Variants in COL24A1 observed in about 807,000 individuals in gnomAD.
The protein encoded by COL24A1 is collagen type XXIV alpha 1 chain, also known as collagen alpha-1(XXIV) chain.
Under a neutral mutation model 253.9 loss-of-function variants are expected in COL24A1, and 224 were observed. That is an observed-to-expected ratio of 0.88 (90% CI 0.79 to 0.99). COL24A1 has a LOEUF of 0.99. Ranked by LOEUF, COL24A1 falls within the 50% of genes least tolerant of loss-of-function variation. The pLI, the probability that COL24A1 is intolerant of heterozygous loss-of-function variation, is 0.00. For missense variants in COL24A1, 2,131 were observed against 2,068.5 expected (o/e 1.03, Z -0.59); for synonymous variants, 685 against 673.7 (o/e 1.02, Z -0.26).
chr1:85,756,376 AC>A (rs996095754), intron 55 of COL24A1, among the ~76,000 whole-genome samples: 65 of 152,122 alleles, frequency 4.3e-4, no homozygotes, highest in African/African-American at 1.6e-3. Flanking sequence ...CTGAGATCGC[AC>A]CACTGCACTC....
intron 55 of COL24A1, among the ~76,000 whole-genome samples, chr1:85,760,474 T>A (rs1257255607): frequency 6.6e-6 from 1 of 152,152 alleles, no homozygotes; most frequent in Non-Finnish European, 1.5e-5. Flanking sequence ...ATAGTCTTCC[T>A]TGTGGCACTT....
intron 14 of COL24A1, among the ~76,000 whole-genome samples, chr1:86,028,912 G>T (rs186315498): frequency 5.2e-4 from 79 of 152,252 alleles, no homozygotes; most frequent in Middle Eastern, 6.8e-3. Flanking sequence ...TATACAAATA[G>T]TATGTCATGG....
chr1:86,066,842 A>G (rs1330618316), intron 7 of COL24A1, among the ~76,000 whole-genome samples: 1 of 152,078 alleles, frequency 6.6e-6, no homozygotes, highest in Non-Finnish European at 1.5e-5. Context: ...AGCAGATATG[A>G]GTTACTTCAG....
intron 59 of COL24A1, among the ~76,000 whole-genome samples, chr1:85,733,212 A>G (rs1663689475): frequency 1.3e-5 from 2 of 152,230 alleles, no homozygotes; most frequent in Non-Finnish European, 2.9e-5. Context: ...GAGATACTAA[A>G]TCATGGGTTT....
In COL24A1 at chr1:85,730,520, C is replaced by A; in HGVS notation, c.*26G>T. 6.2e-7 allele frequency: 1 copy of A among 1,609,868 alleles called. No homozygotes were observed. Among genetic ancestry groups the A allele is most frequent in the South Asian group, 1.1e-5 (1 of 90,590 alleles). On this transcript the variant is annotated 3_prime_UTR_variant, in exon 60 of 60. Coordinates refer to ENST00000370571, the MANE Select transcript of COL24A1 (RefSeq NM_152890.7). ...CTGCAGCAATTACCTGGCCAACAGCCTGAATTCGGAACTAATTCAGAGACT... is the reference window on the plus strand; with the variant it reads ...CTGCAGCAATTACCTGGCCAACAGCATGAATTCGGAACTAATTCAGAGACT...
rs183582066 is a variant in COL24A1 at position 85,795,541 on chromosome 1, T to C, written c.3952-9080A>G. 9.2e-4 allele frequency among the ~76,000 whole-genome samples: 140 copies of C among 152,294 alleles called. No homozygotes were observed. In the South Asian group the frequency reaches 0.024, roughly 26 times the overall value. On this transcript the variant is annotated intron_variant, in intron 47 of 59. Transcript: ENST00000370571. ...TGAGTGAAATTACAAATATTTCGAA[T>C]ATCAATTTTATTGATTTCTCATAGT...
intron 47 of COL24A1, among the ~76,000 whole-genome samples, chr1:85,799,180 T>A (rs1671135381): frequency 1.1e-5 from 1 of 93,326 alleles, no homozygotes; most frequent in Non-Finnish European, 2.3e-5. Context: ...AGAGTGAATA[T>A]GCCAAGAATT....
intron 20 of COL24A1, among the ~76,000 whole-genome samples, chr1:85,972,624 C>T (rs1023121978): frequency 6.6e-6 from 1 of 152,188 alleles, no homozygotes; most frequent in African/African-American, 2.4e-5. Context: ...TAAGGAAAAA[C>T]TCTCTTCACT....
At position 85,909,932 on chromosome 1, in the gene COL24A1, A is replaced by C. The variant is rs1389061373; in HGVS notation, c.2670+18T>G. 1.9e-6 allele frequency: 3 copies of C among 1,601,602 alleles called. No homozygotes were observed. The Admixed American group carries it at 5.0e-5, about 27-fold the overall frequency. On this transcript the variant is annotated intron_variant, in intron 26 of 59. Coordinates refer to ENST00000370571, the MANE Select transcript of COL24A1 (RefSeq NM_152890.7). ...TGCATTCTTTGGAAACATATTTTTC[A>C]AATCACTGAGCTCTTACCATAACAC...
chr1:85,773,823 C>G (rs1350431190), intron 53 of COL24A1, among the ~76,000 whole-genome samples: 1 of 152,118 alleles, frequency 6.6e-6, no homozygotes, highest in African/African-American at 2.4e-5. Flanking sequence ...CTAATGGAGA[C>G]AATTTGACTT....
intron 19 of COL24A1, among the ~76,000 whole-genome samples, chr1:86,012,942 T>C (rs2101167665): frequency 6.9e-6 from 1 of 144,170 alleles, no homozygotes; most frequent in South Asian, 2.2e-4. Flanking sequence ...CAATGTGTCC[T>C]GTCTTCAATT....
intron 5 of COL24A1, among the ~76,000 whole-genome samples, chr1:86,100,990 C>T (rs1394698047): frequency 6.6e-6 from 1 of 151,936 alleles, no homozygotes; most frequent in Admixed American, 6.6e-5. Context: ...AATATTGAAT[C>T]TGAGAGGATG....
chr1:85,888,118 A>C (rs1682724533), intron 32 of COL24A1, among the ~76,000 whole-genome samples: 1 of 151,964 alleles, frequency 6.6e-6, no homozygotes, highest in Admixed American at 6.6e-5. Flanking sequence ...TCACATACAG[A>C]GTCTTTATTA....
intron 14 of COL24A1, among the ~76,000 whole-genome samples, chr1:86,027,707 C>A (rs1485882918): frequency 6.6e-6 from 1 of 152,154 alleles, no homozygotes; most frequent in African/African-American, 2.4e-5. Flanking sequence ...GGGTCAGAGG[C>A]CCCACACAGA....
intron 5 of COL24A1, among the ~76,000 whole-genome samples, chr1:86,097,368 TCTC>T (rs2102010385): frequency 7.4e-6 from 1 of 135,136 alleles, no homozygotes. Flanking sequence ...TTGTTCTTCT[TCTC>T]CTTCTTTCTT....
intron 12 of COL24A1, among the ~76,000 whole-genome samples, chr1:86,045,265 C>G (rs1699809744): frequency 6.6e-6 from 1 of 152,172 alleles, no homozygotes; most frequent in East Asian, 1.9e-4. Context: ...GCTGGGATTA[C>G]AGGTGTGAGC....
chr1:85,842,248 A>T, intron 40 of COL24A1, 92 bp downstream of exon 40: 1 of 1,333,670 alleles, frequency 7.5e-7, no homozygotes, highest in Non-Finnish European at 1.1e-6. Context: ...AAGGTTTATC[A>T]GAGAGATTTC....
intron 24 of COL24A1, among the ~76,000 whole-genome samples, chr1:85,924,740 C>T (rs961698298): frequency 1.3e-5 from 2 of 152,172 alleles, no homozygotes; most frequent in Admixed American, 1.3e-4. Flanking sequence ...AAACTGGAAG[C>T]ATTCCCTTTG....
intron 2 of COL24A1, among the ~76,000 whole-genome samples, chr1:86,132,163 A>C (rs12126086): frequency 0.16 from 24,209 of 152,020 alleles, 2,017 homozygotes; most frequent in South Asian, 0.24. Flanking sequence ...TAAATGTCTT[A>C]TTTTGAGAAG....
Sources: allele counts gnomAD v4.1 joint callset (sites outside exome capture counted in the v4.1 genomes callset), GRCh38; gene constraint gnomAD v4.1.1; transcripts MANE v1.5; gene names NCBI Gene and HGNC (gene_info 2026-07-23, HGNC 2026-07-21).